The following PIAS1 variants were observed in gnomAD, a reference collection of about 807,000 sequenced individuals.
PIAS1 encodes E3 SUMO-protein ligase PIAS1.
PIAS1 carries 6 observed loss-of-function variants against 71.3 expected under a neutral mutation model. That is an observed-to-expected ratio of 0.08 (90% CI 0.05 to 0.17). The LOEUF (loss-of-function observed/expected upper bound fraction) is 0.17. Among genes scored for constraint, PIAS1 ranks in the 10% least tolerant of loss-of-function variants. The pLI is 1.00. For synonymous variants in PIAS1, 303 were observed against 292.9 expected, an observed-to-expected ratio of 1.03 and a Z score of -0.35; for missense variants, 555 against 793.6, an observed-to-expected ratio of 0.70 and a Z score of 3.61.
At chr15:68,103,819 A>G (rs2092448293) in intron 2 of PIAS1, among the ~76,000 whole-genome samples, 1 of 152,222 alleles carries the variant, frequency 6.6e-6, no homozygotes, top group Admixed American at 6.5e-5. Context: ...ATTCCGTTAT[A>G]TGGATATACC....
At chr15:68,057,187 C>T (rs2091905261) in intron 1 of PIAS1, among the ~76,000 whole-genome samples, 1 of 152,084 alleles carries the variant, frequency 6.6e-6, no homozygotes, top group Non-Finnish European at 1.5e-5. Flanking sequence ...AAGATATTGC[C>T]AATAAAAATT....
intron 8 of PIAS1, 54 bp downstream of exon 8, chr15:68,164,858 T>C (rs1285395284): frequency 6.5e-6 from 6 of 929,786 alleles, no homozygotes; most frequent in African/African-American, 5.0e-5. Context: ...ATTTTCTCTT[T>C]TTATTAAGTA....
At chr15:68,157,201 T>C (rs1203586472) in intron 7 of PIAS1, among the ~76,000 whole-genome samples, 1 of 152,174 alleles carries the variant, frequency 6.6e-6, no homozygotes, top group Admixed American at 6.5e-5. Context: ...GTGTTTGAGA[T>C]GGGATGAGAC....
intron 2 of PIAS1, among the ~76,000 whole-genome samples, chr15:68,092,319 G>A (rs1890468670): frequency 6.6e-6 from 1 of 152,034 alleles, no homozygotes; most frequent in Non-Finnish European, 1.5e-5. Context: ...CGACAGGCAG[G>A]AGCAACCATG....
intron 2 of PIAS1, among the ~76,000 whole-genome samples, chr15:68,118,494 G>A (rs1188422242): frequency 1.3e-5 from 2 of 152,044 alleles, no homozygotes; most frequent in Non-Finnish European, 2.9e-5. Flanking sequence ...GCACCACCAT[G>A]CCCTGCTAAG....
intron 12 of PIAS1, 33 bp downstream of exon 12, chr15:68,181,387 G>C: frequency 6.2e-7 from 1 of 1,602,364 alleles, no homozygotes; most frequent in East Asian, 2.2e-5. Flanking sequence ...TTGTCACATA[G>C]CATTATGAAT....
chr15:68,130,612 A>G (rs1008519378), intron 2 of PIAS1, among the ~76,000 whole-genome samples: 1 of 151,580 alleles, frequency 6.6e-6, no homozygotes, highest in African/African-American at 2.4e-5. Context: ...AAATGTTCTC[A>G]GTTATTAAAA....
intron 2 of PIAS1, among the ~76,000 whole-genome samples, chr15:68,095,746 G>T (rs1426673456): frequency 6.6e-6 from 1 of 151,888 alleles, no homozygotes; most frequent in Non-Finnish European, 1.5e-5. Context: ...GCCCAGGCTG[G>T]TCCCAAAATC....
intron 2 of PIAS1, among the ~76,000 whole-genome samples, chr15:68,121,926 G>T (rs1281254331): frequency 3.3e-5 from 5 of 152,076 alleles, no homozygotes; most frequent in Non-Finnish European, 4.4e-5. Context: ...CCAAGTGTTT[G>T]AGACCAGCCT....
At chr15:68,156,258 TAGAC>T (rs1439131244) in intron 7 of PIAS1, among the ~76,000 whole-genome samples, 2 of 152,192 alleles carry the variant, frequency 1.3e-5, no homozygotes, top group African/African-American at 4.8e-5. Flanking sequence ...TTGAAGAAGA[TAGAC>T]AGGGAACTCT....
At chr15:68,088,178 A>ATATATATATATATATATG (rs2092301777) in intron 2 of PIAS1, among the ~76,000 whole-genome samples, 1 of 85,810 alleles carries the variant, frequency 1.2e-5, no homozygotes, top group Non-Finnish European at 2.3e-5. Context: ...ATGTGTGTGT[A>ATATATATATATATATATG]TATATATATA....
chr15:68,080,147 A>G (rs779374117), intron 1 of PIAS1, among the ~76,000 whole-genome samples: 1 of 152,078 alleles, frequency 6.6e-6, no homozygotes, highest in Non-Finnish European at 1.5e-5. Context: ...TGTTATTTTT[A>G]ATGTTCAGGT....
At chr15:68,122,134 A>G (rs527807459) in intron 2 of PIAS1, among the ~76,000 whole-genome samples, 24 of 152,104 alleles carry the variant, frequency 1.6e-4, no homozygotes, top group Non-Finnish European at 3.4e-4. Context: ...GTCTCAAAAC[A>G]AACACCAAAT....
In PIAS1 at chr15:68,176,685, A is replaced by T; in HGVS notation, c.1481+31A>T. Reference sequence around the variant, plus strand: ...TGCTGAGACATTTAAAAAAAAAAGTAATCATGAAAATTAACTTGGCAAATA... The same window carrying T: ...TGCTGAGACATTTAAAAAAAAAAGTTATCATGAAAATTAACTTGGCAAATA... On this transcript the variant is annotated intron_variant, in intron 11 of 13. Transcript: ENST00000249636. 2.1e-6 allele frequency: 3 copies of T among 1,439,076 alleles called. No homozygotes were observed. In the Middle Eastern group the frequency reaches 5.5e-4, roughly 265 times the overall value. The allele number at this position is 1,439,076 out of a possible 1,614,324, so 89.1% of individuals were successfully genotyped here. A position where few individuals can be genotyped will look rare whatever the true frequency, so the allele number is the denominator to read the frequency against.
At position 68,175,683 on chromosome 15, in the gene PIAS1, C is replaced by G; in HGVS notation, c.1216C>G (p.Gln406Glu). The change falls in exon 10 of 14, where the codon CAA becomes GAA. Residue 406 changes from glutamine (Q) to glutamate (E), a missense_variant. Gln to Glu is a conservative substitution (Grantham distance 29). Coordinates refer to ENST00000249636, the MANE Select transcript of PIAS1 (RefSeq NM_016166.3). ...LKYCTDCDEI[Q>E]FKEDGTWAPM... The stretch of plus-strand genomic sequence containing the variant: ...GTACTGTACAGACTGTGATGAAATA[C>G]AATTTAAGGAGGATGGCACTTGGGC... 6.3e-7 allele frequency: 1 copy of G among 1,595,670 alleles called. No homozygotes were observed. Among genetic ancestry groups the G allele is most frequent in the Non-Finnish European group, 8.6e-7 (1 of 1,167,550 alleles).
rs2092176570 is a variant in PIAS1, at chr15:68,077,249, T to C, written c.25-9057T>C. 2.0e-5 allele frequency among the ~76,000 whole-genome samples: 3 copies of C among 152,224 alleles called. No homozygotes were observed. The South Asian group carries it at 6.2e-4, about 32-fold the overall frequency. On this transcript the variant is annotated intron_variant, in intron 1 of 13. Coordinates refer to ENST00000249636, the MANE Select transcript of PIAS1 (RefSeq NM_016166.3). The stretch of plus-strand genomic sequence containing the variant: ...AAAACGTGAATGACTTGTTAGGTTA[T>C]ATTGGTAAAAATACCATGTTCATAT...
chr15:68,099,474 G>A (rs1373928662), intron 2 of PIAS1, among the ~76,000 whole-genome samples: 1 of 151,682 alleles, frequency 6.6e-6, no homozygotes. Flanking sequence ...AATGATTCAT[G>A]GTATGGATAT....
chr15:68,175,246 A>C (rs542414100), intron 9 of PIAS1, among the ~76,000 whole-genome samples: 3 of 152,168 alleles, frequency 2.0e-5, no homozygotes, highest in African/African-American at 7.2e-5. Context: ...ACATATTTGT[A>C]TATGTTTTGC....
rs1020488849 is a variant in PIAS1 at position 68,190,837 on chromosome 15, T to C, written c.*3002T>C. 6.6e-6 allele frequency: 1 copy of C among 152,232 alleles called. No homozygotes were observed. The highest frequency in any genetic ancestry group is 2.4e-5 in the African/African-American group (1 of 41,468). 9.4% of individuals were successfully genotyped at this position (152,232 alleles called of 1,614,324 possible). ...CATTAAAATTGCTTTACTAATTATT[T>C]AGACATGATCACAATTCTGTATCTT... On this transcript the variant is annotated 3_prime_UTR_variant, in exon 14 of 14. Coordinates refer to ENST00000249636, the MANE Select transcript of PIAS1 (RefSeq NM_016166.3). The surrounding 1 kb of genome is among the most constrained non-coding windows in gnomAD (Gnocchi z 4.7).
Sources: gnomAD v4.1 joint callset for allele counts (sites outside exome capture counted in the v4.1 genomes callset) on GRCh38, gnomAD v4.1.1 for gene constraint, Gnocchi (gnomAD v3.1) non-coding constraint, MANE v1.5 for transcripts, NCBI Gene and HGNC (gene_info 2026-07-23, HGNC 2026-07-21) for gene names.